SLC39A10: variants seen among roughly 807,000 people sequenced by gnomAD.
SLC39A10 encodes the protein zinc transporter ZIP10.
A neutral mutation model predicts 65.1 loss-of-function variants in SLC39A10; 13 were observed. That is an observed-to-expected ratio of 0.20 (90% CI 0.13 to 0.32). SLC39A10 has a LOEUF of 0.32. Ranked by LOEUF, SLC39A10 falls within the 10% of genes least tolerant of loss-of-function variation. The pLI is 1.00. For missense variants in SLC39A10, 831 were observed against 1,018.4 expected (o/e 0.82, Z 2.50); for synonymous variants, 321 against 342.2 (o/e 0.94, Z 0.68).
chr2:195,653,731 A>C (rs1443738662), upstream of SLC39A10, among the ~76,000 whole-genome samples: 1 of 152,224 alleles, frequency 6.6e-6, no homozygotes, highest in Non-Finnish European at 1.5e-5. Context: ...GTTAGTTGGG[A>C]GGCTTAAAAT....
chr2:195,680,761 G>A lies in SLC39A10; in HGVS notation c.719G>A (p.Ser240Asn). 1 of 1,614,130 alleles carries A rather than the reference G, an allele frequency of 6.2e-7. No homozygotes were observed. Among genetic ancestry groups the A allele is most frequent in the Non-Finnish European group, 8.5e-7 (1 of 1,180,018 alleles). The change falls in exon 2 of 10, where the codon AGT becomes AAT. Residue 240 changes from serine to asparagine, a missense_variant. Ser to Asn is a conservative substitution (Grantham distance 46). This residue lies in a region of SLC39A10 where 446 missense variants were observed against 499.2 expected (regional missense o/e 0.89). Transcript: ENST00000359634. ...KGKRKKKGRK[S>N]NENSEVITPG... ...AAGAGGAAGAAAAAAGGGAGGAAAA[G>A]TAATGAAAATTCTGAGGTTATTACA...
chr2:195,716,567 A>C, intron 6 of SLC39A10, 70 bp from the exon 7 acceptor site: 1 of 424,822 alleles, frequency 2.4e-6, no homozygotes, highest in Admixed American at 5.1e-5. Context: ...TTGCACTGCT[A>C]TTCTGTTTAA....
At chr2:195,641,463 A>G (rs531908943) in intron 2 of SLC39A10, among the ~76,000 whole-genome samples, 15 of 152,322 alleles carry the variant, frequency 9.8e-5, no homozygotes, top group African/African-American at 3.6e-4. Flanking sequence ...AAATGAGTCA[A>G]CAGAAATTTT....
intron 2 of SLC39A10, among the ~76,000 whole-genome samples, chr2:195,637,042 A>G (rs1688710094): frequency 6.6e-6 from 1 of 152,166 alleles, no homozygotes. Flanking sequence ...ATTATTAACA[A>G]AGAAAAAGGG....
chr2:195,682,027 G>T (rs1014522581), intron 2 of SLC39A10, among the ~76,000 whole-genome samples: 22 of 152,188 alleles, frequency 1.4e-4, no homozygotes, highest in Non-Finnish European at 2.5e-4. Flanking sequence ...ATAATAATAA[G>T]AAACTAATAG....
intron 2 of SLC39A10, among the ~76,000 whole-genome samples, chr2:195,626,769 A>G (rs1219559769): frequency 6.6e-6 from 1 of 152,202 alleles, no homozygotes; most frequent in Non-Finnish European, 1.5e-5. Flanking sequence ...GATGAGGGTA[A>G]AAAGAATGCC....
In SLC39A10 at chr2:195,680,349, G is replaced by C; in HGVS notation, c.307G>C (p.Asp103His). The C allele has an allele frequency of 6.2e-7, 1 of 1,614,134 alleles. No homozygotes were observed. The highest frequency in any genetic ancestry group is 8.5e-7 in the Non-Finnish European group (1 of 1,180,012). Residue 103 changes from aspartate (D) to histidine (H), a missense_variant, in exon 2 of 10, where the codon GAT becomes CAT. Asp to His is a moderately conservative substitution (Grantham distance 81). Coordinates refer to ENST00000359634, the MANE Select transcript of SLC39A10 (RefSeq NM_020342.3). ...ERKVVEINHE[D>H]LGHDHVSHLD... Reference sequence around the variant, plus strand: ...AAAAGTAGTTGAGATTAATCATGAGGATCTTGGCCACGATCATGTTTCTCA... The same window carrying C: ...AAAAGTAGTTGAGATTAATCATGAGCATCTTGGCCACGATCATGTTTCTCA...
chr2:195,649,179 G>A (rs558135020), intron 2 of SLC39A10, among the ~76,000 whole-genome samples: 40 of 152,210 alleles, frequency 2.6e-4, no homozygotes, highest in African/African-American at 9.4e-4. Flanking sequence ...ACAACAAAAA[G>A]ATATGTGCTG....
At position 195,729,618 on chromosome 2, in the gene SLC39A10, C is replaced by T. The variant is rs887597844; in HGVS notation, c.2337+1269C>T. On this transcript the variant is annotated intron_variant, in intron 9 of 9. Coordinates refer to ENST00000359634, the MANE Select transcript of SLC39A10 (RefSeq NM_020342.3). ...AGAACTGATCCTCTCGTGCTGACTCCGTTAAATTCTCCTTTCTCTTTCCCA... is the reference window on the plus strand; with the variant it reads ...AGAACTGATCCTCTCGTGCTGACTCTGTTAAATTCTCCTTTCTCTTTCCCA... 3.9e-5 allele frequency among the ~76,000 whole-genome samples: 6 copies of T among 152,118 alleles called. No individual in the cohort carries two copies. The East Asian group carries it at 5.8e-4, about 15-fold the overall frequency.
At chr2:195,712,939 T>G (rs988112291) in intron 5 of SLC39A10, among the ~76,000 whole-genome samples, 1 of 152,188 alleles carries the variant, frequency 6.6e-6, no homozygotes, top group Admixed American at 6.5e-5. Flanking sequence ...ATGAGTATTC[T>G]TATATTCAAT....
At chr2:195,710,981 G>A (rs770188678) in intron 5 of SLC39A10, among the ~76,000 whole-genome samples, 1 of 152,152 alleles carries the variant, frequency 6.6e-6, no homozygotes, top group African/African-American at 2.4e-5. Flanking sequence ...GCTTGAGTGA[G>A]GGTCATGGCA....
At chr2:195,732,129 T>C (rs1311051651) in intron 9 of SLC39A10, among the ~76,000 whole-genome samples, 1 of 152,204 alleles carries the variant, frequency 6.6e-6, no homozygotes, top group African/African-American at 2.4e-5. Context: ...GTTGGCCATA[T>C]CCTGACAGTC....
intron 3 of SLC39A10, among the ~76,000 whole-genome samples, chr2:195,701,150 A>G (rs2105802516): frequency 6.6e-6 from 1 of 151,778 alleles, no homozygotes. Context: ...CAGCATCAGT[A>G]ATTTCCATTG....
At chr2:195,659,638 C>T (rs1041579289) in intron 1 of SLC39A10, among the ~76,000 whole-genome samples, 3 of 152,086 alleles carry the variant, frequency 2.0e-5, no homozygotes, top group African/African-American at 7.2e-5. Flanking sequence ...AAGTTCAAAA[C>T]CTTGATCTAT....
intron 1 of SLC39A10, chr2:195,658,038 A>G (rs1044159964): frequency 7.9e-5 from 12 of 152,494 alleles, no homozygotes; most frequent in African/African-American, 2.9e-4. Context: ...GCGCGGCCGC[A>G]CGGCTTTGTT....
chr2:195,697,740 C>G (rs1290426889), intron 3 of SLC39A10, among the ~76,000 whole-genome samples: 2 of 152,016 alleles, frequency 1.3e-5, no homozygotes, highest in African/African-American at 4.8e-5. Flanking sequence ...AAAAAACGAC[C>G]CCATTAAAAA....
At chr2:195,683,480 G>A (rs1220374135) in intron 2 of SLC39A10, among the ~76,000 whole-genome samples, 1 of 152,030 alleles carries the variant, frequency 6.6e-6, no homozygotes, top group African/African-American at 2.4e-5. Flanking sequence ...ATGTGTTGGA[G>A]TAGAAAAATT....
intron 2 of SLC39A10, among the ~76,000 whole-genome samples, chr2:195,619,501 G>A (rs1276011859): frequency 6.6e-6 from 1 of 152,180 alleles, no homozygotes; most frequent in Non-Finnish European, 1.5e-5. Context: ...TGGAGTGCTT[G>A]CATTTGCCTA....
chr2:195,671,213 G>T (rs1273476159), intron 1 of SLC39A10, among the ~76,000 whole-genome samples: 5 of 152,130 alleles, frequency 3.3e-5, no homozygotes, highest in African/African-American at 1.2e-4. Context: ...ATTCAAAATA[G>T]TATAATAATT....
Sources: allele counts gnomAD v4.1 joint callset (sites outside exome capture counted in the v4.1 genomes callset), GRCh38; gene constraint gnomAD v4.1.1; regional missense constraint gnomAD v4.1.1; transcripts MANE v1.5; gene names NCBI Gene and HGNC (gene_info 2026-07-23, HGNC 2026-07-21).